Variants in CLIP2 observed in about 807,000 individuals in gnomAD.
The protein encoded by CLIP2 is CAP-Gly domain-containing linker protein 2.
A neutral mutation model predicts 111.7 loss-of-function variants in CLIP2; 41 were observed. The ratio of observed to expected loss-of-function variants is 0.37; its 90% CI spans 0.29 to 0.48. The LOEUF (loss-of-function observed/expected upper bound fraction) is 0.48. CLIP2 is among the 20% of genes least tolerant of loss of function. The pLI, the probability that CLIP2 is intolerant of heterozygous loss-of-function variation, is 0.99. For synonymous variants in CLIP2, 660 were observed against 644.2 expected, an observed-to-expected ratio of 1.02 and a Z score of -0.37; for missense variants, 1,160 against 1,422.1, an observed-to-expected ratio of 0.82 and a Z score of 2.96.
In CLIP2 at chr7:74,403,896, G is replaced by A. The variant is rs377539344; in HGVS notation, c.*48G>A. The A allele has an allele frequency of 1.5e-5, 24 of 1,607,992 alleles. No homozygotes were observed. The highest frequency in any genetic ancestry group is 1.5e-4 in the African/African-American group (11 of 74,840). On this transcript the variant is annotated 3_prime_UTR_variant, in exon 17 of 17. Coordinates refer to ENST00000223398, the MANE Select transcript of CLIP2 (RefSeq NM_003388.5). ...AGCCCAGTCCACACCAGAGCCCCAC[G>A]CGGCTGCCCGGCAGTACCTCCTCCA... is the stretch of plus-strand genomic sequence containing the variant.
intron 13 of CLIP2, among the ~76,000 whole-genome samples, chr7:74,395,484 G>A (rs1001540628): frequency 1.9e-4 from 29 of 152,000 alleles, no homozygotes; most frequent in Admixed American, 5.9e-4. Context: ...TAGAGATAGG[G>A]TTTTGCTATG....
intron 6 of CLIP2, among the ~76,000 whole-genome samples, chr7:74,359,324 T>C (rs1434577102): frequency 6.8e-6 from 1 of 148,122 alleles, no homozygotes; most frequent in Non-Finnish European, 1.5e-5. Flanking sequence ...TTTTTTTTAA[T>C]GTATGACTGT....
intron 1 of CLIP2, among the ~76,000 whole-genome samples, chr7:74,310,128 T>C (rs1483901265): frequency 7.1e-6 from 1 of 140,902 alleles, no homozygotes. Context: ...CTGGGGAGGC[T>C]GAGGTGGGAG....
Position 74,401,562 on chromosome 7 carries a change from CAA to C in CLIP2, c.3125_3126del (p.Gln1042ArgfsTer45), listed in dbSNP as rs1791621347. 2 of 1,613,848 alleles carry C rather than the reference CAA, an allele frequency of 1.2e-6. No homozygotes were observed. Among genetic ancestry groups the C allele is most frequent in the Admixed American group, 1.7e-5 (1 of 59,972 alleles). On this transcript the variant is annotated frameshift_variant, in exon 16 of 17. Transcript: ENST00000223398. LOFTEE classifies it high-confidence loss of function. Reference protein sequence around the residue: ...GIHQQDKAQKQEDKH With the variant: ...GIHQQDKAQKXEDKH ...CCACCAGCAGGACAAAGCTCAGAAACAAGAGGTGAGGGGCGCCTCGGGCCTCC... is the reference window on the plus strand; with the variant it reads ...CCACCAGCAGGACAAAGCTCAGAAACGAGGTGAGGGGCGCCTCGGGCCTCC...
At chr7:74,322,816 C>T (rs1365271285) in intron 2 of CLIP2, among the ~76,000 whole-genome samples, 4 of 151,836 alleles carry the variant, frequency 2.6e-5, no homozygotes, top group African/African-American at 4.8e-5. Context: ...CTGCAACCTT[C>T]GACTCCCTGG....
At chr7:74,384,781 G>A (rs1791040926) in intron 11 of CLIP2, among the ~76,000 whole-genome samples, 1 of 151,724 alleles carries the variant, frequency 6.6e-6, no homozygotes, top group African/African-American at 2.4e-5. Flanking sequence ...TTGAGGAACT[G>A]CCAAACTCTT....
Position 74,300,613 on chromosome 7 carries a change from G to A in CLIP2, c.-68+10879G>A, listed in dbSNP as rs183598667. 1.9e-3 allele frequency among the ~76,000 whole-genome samples: 282 copies of A among 151,960 alleles called. 1 individual carries two copies. The highest frequency in any genetic ancestry group is 3.4e-3 in the African/African-American group (142 of 41,458). ...TGGGACTACCGGCGCCCGCCACCAC[G>A]CCCGGCTAATTTTTTTATATTTTTA... is the stretch of plus-strand genomic sequence containing the variant. On this transcript the variant is annotated intron_variant, in intron 1 of 16. Coordinates refer to ENST00000223398, the MANE Select transcript of CLIP2 (RefSeq NM_003388.5).
intron 8 of CLIP2, among the ~76,000 whole-genome samples, chr7:74,371,002 C>T (rs1790600605): frequency 6.6e-6 from 1 of 152,006 alleles, no homozygotes; most frequent in South Asian, 2.1e-4. Flanking sequence ...AATCCCAGCA[C>T]TTTGGGAGGC....
chr7:74,350,381 A>T (rs1014553696), intron 3 of CLIP2, among the ~76,000 whole-genome samples: 3 of 151,564 alleles, frequency 2.0e-5, no homozygotes, highest in Non-Finnish European at 4.4e-5. Flanking sequence ...GTTGTATTTT[A>T]TTTTTTATAG....
At chr7:74,393,352 T>C (rs1391584563) in intron 13 of CLIP2, among the ~76,000 whole-genome samples, 5 of 150,946 alleles carry the variant, frequency 3.3e-5, no homozygotes, top group African/African-American at 1.2e-4. Flanking sequence ...CTTTTTTTTT[T>C]TGAGATGGAG....
chr7:74,376,060 C>T lies in CLIP2; in HGVS notation c.1659C>T (p.Ser553=). 6.2e-7 allele frequency: 1 copy of T among 1,612,764 alleles called. No individual in the cohort carries two copies. Among genetic ancestry groups the T allele is most frequent in the South Asian group, 1.1e-5 (1 of 91,012 alleles). The change falls in exon 10 of 17, where the codon AGC becomes AGT. Residue 553 remains serine (S), a synonymous_variant. Transcript: ENST00000223398. This position sits in a 1 kb window ranked among gnomAD's most constrained non-coding sequence, Gnocchi z 7.1. ...TACGGGAGCGGCTGCTCTCGGCCAG[C>T]AAGGAACACCAGAGGGAGAGTGGGG... The part of the protein sequence containing the change: ...LRLRERLLSA[S]KEHQRESGVL...
At chr7:74,329,035 C>G (rs1300113028) in intron 2 of CLIP2, among the ~76,000 whole-genome samples, 14 of 150,972 alleles carry the variant, frequency 9.3e-5, no homozygotes, top group Non-Finnish European at 1.8e-4. Context: ...GCCTCAGCCT[C>G]CCAAGTAACC....
At chr7:74,394,507 C>T (rs1554316376) in intron 13 of CLIP2, among the ~76,000 whole-genome samples, 1 of 152,186 alleles carries the variant, frequency 6.6e-6, no homozygotes, top group Non-Finnish European at 1.5e-5. Context: ...GCCTCGGCCT[C>T]CCAAAGTGCT....
intron 1 of CLIP2, among the ~76,000 whole-genome samples, chr7:74,295,894 C>T (rs577908893): frequency 7.1e-6 from 1 of 140,440 alleles, no homozygotes; most frequent in Admixed American, 8.1e-5. Flanking sequence ...GATGCTGAGG[C>T]AGGAGGATCT....
intron 2 of CLIP2, among the ~76,000 whole-genome samples, chr7:74,333,308 C>T (rs1789352967): frequency 6.6e-6 from 1 of 151,904 alleles, no homozygotes; most frequent in African/African-American, 2.4e-5. Flanking sequence ...CTCAGCCTCC[C>T]AAGTAGCTTG....
intron 2 of CLIP2, among the ~76,000 whole-genome samples, chr7:74,328,894 A>G (rs868936984): frequency 6.7e-6 from 1 of 148,760 alleles, no homozygotes; most frequent in Non-Finnish European, 1.5e-5. Context: ...ATGCCCTGCT[A>G]ATTTTTGTAT....
chr7:74,369,138 G>T lies in CLIP2; in HGVS notation c.1381-3794G>T, dbSNP rs912879518. 5.9e-5 allele frequency among the ~76,000 whole-genome samples: 9 copies of T among 152,320 alleles called. No individual in the cohort carries two copies. The South Asian group carries it at 1.5e-3, about 25-fold the overall frequency. ...GGCCAAGGCAGGTGGATCACTTGAG[G>T]TCAGGAGATTCAGACCAGCCTGGCC... is the stretch of plus-strand genomic sequence containing the variant. On this transcript the variant is annotated intron_variant, in intron 8 of 16. Coordinates refer to ENST00000223398, the MANE Select transcript of CLIP2 (RefSeq NM_003388.5).
At chr7:74,322,914 A>G (rs1297170668) in intron 2 of CLIP2, among the ~76,000 whole-genome samples, 2 of 151,882 alleles carry the variant, frequency 1.3e-5, no homozygotes, top group Non-Finnish European at 2.9e-5. Flanking sequence ...TATTTTTAAT[A>G]GAGATGGGGT....
At chr7:74,291,215 G>A (rs1235377498) in intron 1 of CLIP2, among the ~76,000 whole-genome samples, 1 of 152,134 alleles carries the variant, frequency 6.6e-6, no homozygotes, top group African/African-American at 2.4e-5. Flanking sequence ...GGCTCCAAAG[G>A]CAGAAGAGGC....
Sources: gnomAD v4.1 joint callset for allele counts (sites outside exome capture counted in the v4.1 genomes callset) on GRCh38, gnomAD v4.1.1 for gene constraint, Gnocchi (gnomAD v3.1) non-coding constraint, MANE v1.5 for transcripts, NCBI Gene and HGNC (gene_info 2026-07-23, HGNC 2026-07-21) for gene names.